The following ZFHX4 variants were observed in gnomAD, a reference collection of about 807,000 sequenced individuals.
The protein encoded by ZFHX4 is zinc finger homeobox protein 4.
Under a neutral mutation model 267.6 loss-of-function variants are expected in ZFHX4, and 56 were observed. That is an observed-to-expected ratio of 0.21 (90% CI 0.17 to 0.26). ZFHX4 has a LOEUF of 0.26. ZFHX4 is among the 10% of genes least tolerant of loss of function. The probability of loss-of-function intolerance (pLI) is 1.00; values close to 1 mark genes in which losing one functional copy is unlikely to be tolerated. For missense variants in ZFHX4, 4,332 were observed against 4,420.0 expected, an observed-to-expected ratio of 0.98 and a Z score of 0.56; for synonymous variants, 1,778 against 1,665.6, an observed-to-expected ratio of 1.07 and a Z score of -1.64.
intron 5 of ZFHX4, among the ~76,000 whole-genome samples, chr8:76,835,243 A>ATATATATATATATATG (rs1554572187): frequency 1.4e-4 from 14 of 102,718 alleles, no homozygotes; most frequent in African/African-American, 2.6e-4. Flanking sequence ...ATATATATGT[A>ATATATATATATATATG]TATATATATA....
intron 3 of ZFHX4, among the ~76,000 whole-genome samples, chr8:76,773,291 A>G (rs1035798393): frequency 1.3e-5 from 2 of 152,298 alleles, no homozygotes; most frequent in African/African-American, 2.4e-5. Context: ...TATTCATAAT[A>G]CATTCAGATA....
chr8:76,807,549 A>G (rs137961510), intron 4 of ZFHX4, among the ~76,000 whole-genome samples: 54 of 152,214 alleles, frequency 3.5e-4, no homozygotes, highest in African/African-American at 1.2e-3. Context: ...GGACAAGACA[A>G]TTGGGCTATA....
chr8:76,698,199 C>T (rs1317657940), intron 1 of ZFHX4, among the ~76,000 whole-genome samples: 1 of 152,076 alleles, frequency 6.6e-6, no homozygotes, highest in Admixed American at 6.6e-5. Context: ...TAGAAATCAA[C>T]TAGATTGGTT....
chr8:76,850,711 C>T (rs1271940560), intron 9 of ZFHX4, among the ~76,000 whole-genome samples, 175 bp from the exon 10 acceptor site: 1 of 152,128 alleles, frequency 6.6e-6, no homozygotes, highest in African/African-American at 2.4e-5. Context: ...TCTTGTTTGC[C>T]TTTATATCCC....
intron 3 of ZFHX4, among the ~76,000 whole-genome samples, chr8:76,718,598 G>C (rs1045845668): frequency 1.3e-5 from 2 of 151,902 alleles, no homozygotes; most frequent in Non-Finnish European, 2.9e-5. Context: ...TTTTTTCAGA[G>C]AAAAATAGTC....
chr8:76,737,418 T>G (rs908927102), intron 3 of ZFHX4, among the ~76,000 whole-genome samples: 2 of 152,214 alleles, frequency 1.3e-5, no homozygotes, highest in Admixed American at 6.5e-5. Flanking sequence ...ATTACCTGTA[T>G]AGACTAAGAC....
At chr8:76,777,878 G>GT (rs1563516399) in intron 3 of ZFHX4, among the ~76,000 whole-genome samples, 3 of 139,168 alleles carry the variant, frequency 2.2e-5, no homozygotes, top group Non-Finnish European at 3.1e-5. Context: ...GTTTGTTTTT[G>GT]TTTTTTGTTT....
intron 3 of ZFHX4, among the ~76,000 whole-genome samples, chr8:76,764,845 G>C (rs1257864906): frequency 6.6e-6 from 1 of 152,138 alleles, no homozygotes; most frequent in Non-Finnish European, 1.5e-5. Context: ...TGTAGGTTAA[G>C]CAGTGCCTCC....
intron 4 of ZFHX4, among the ~76,000 whole-genome samples, chr8:76,807,126 C>T (rs1811265422): frequency 6.6e-6 from 1 of 151,902 alleles, no homozygotes; most frequent in Admixed American, 6.6e-5. Flanking sequence ...TCTGTTACAC[C>T]AATATTATGT....
chr8:76,839,316 A>G (rs1812175764), intron 5 of ZFHX4, among the ~76,000 whole-genome samples: 1 of 152,172 alleles, frequency 6.6e-6, no homozygotes, highest in South Asian at 2.1e-4. Context: ...TTATAAGATC[A>G]TTTTAGACAT....
intron 5 of ZFHX4, among the ~76,000 whole-genome samples, chr8:76,840,872 A>T: frequency 6.6e-6 from 1 of 152,154 alleles, no homozygotes; most frequent in South Asian, 2.1e-4. Flanking sequence ...CAGCTTGGCC[A>T]CCAGCCACTT....
intron 4 of ZFHX4, among the ~76,000 whole-genome samples, chr8:76,802,918 C>T (rs1008014440): frequency 9.2e-5 from 14 of 152,060 alleles, no homozygotes; most frequent in South Asian, 2.1e-4. Flanking sequence ...GCCCTTATTA[C>T]GTAAGAGAAA....
rs1350349272 is a variant in ZFHX4, at chr8:76,854,936, A to G, written c.8015A>G (p.Gln2672Arg). 6.2e-6 allele frequency: 10 copies of G among 1,613,986 alleles called. No homozygotes were observed. Among genetic ancestry groups the G allele is most frequent in the Non-Finnish European group, 8.5e-6 (10 of 1,179,864 alleles). Reference sequence around the variant, plus strand: ...CAGTTCCGGGCGGTGGGTCCAGCACAGTCTCATAAACGGTGTCCGTTTTGC... The same window carrying G: ...CAGTTCCGGGCGGTGGGTCCAGCACGGTCTCATAAACGGTGTCCGTTTTGC... Reference protein sequence around the residue: ...KGQFRAVGPAQSHKRCPFCRA... With the variant: ...KGQFRAVGPARSHKRCPFCRA... Residue 2672 changes from glutamine (Q) to arginine (R), a missense_variant, in exon 10 of 11, where the codon CAG (glutamine) becomes CGG (arginine). Physicochemically the swap from Gln to Arg is conservative, Grantham distance 43 (BLOSUM62 1). Around this residue, in one of 7 missense-constraint regions of ZFHX4, gnomAD observed 1,648 missense variants for 1,625.0 expected, o/e 1.01. Transcript: ENST00000651372.
At chr8:76,836,468 G>A (rs1435145672) in intron 5 of ZFHX4, among the ~76,000 whole-genome samples, 2 of 152,062 alleles carry the variant, frequency 1.3e-5, no homozygotes, top group Non-Finnish European at 2.9e-5. Context: ...AGTTCTCTGA[G>A]GAAATGACAA....
chr8:76,705,669 G>A lies in ZFHX4; in HGVS notation c.1581G>A (p.Ala527=). The change falls in exon 2 of 11, where the codon GCG becomes GCA. Residue 527 remains alanine, a synonymous_variant. Coordinates refer to ENST00000651372, the MANE Select transcript of ZFHX4 (RefSeq NM_024721.5). ...FIEKGTSSSS[A]TVSDDTEKKK... is the part of the protein sequence containing the mutation. ...AAAAGGGTACCTCGTCCTCCTCGGCGACTGTTTCTGATGACACAGAAAAGA... is the reference window on the plus strand; with the variant it reads ...AAAAGGGTACCTCGTCCTCCTCGGCAACTGTTTCTGATGACACAGAAAAGA... 6.2e-7 allele frequency: 1 copy of A among 1,613,888 alleles called. No individual in the cohort carries two copies. The highest frequency in any genetic ancestry group is 1.3e-5 in the African/African-American group (1 of 75,026).
In ZFHX4 at chr8:76,852,417, A is replaced by G. The variant is rs764443190; in HGVS notation, c.5496A>G (p.Lys1832=). Residue 1832 remains lysine, a synonymous_variant, in exon 10 of 11, where the codon AAA becomes AAG. Transcript: ENST00000651372. ...AGCAGCAGCAACAGCAGGCAAGCAA[A>G]TTATTGAAACAAGAGCAAAGTAACA... The part of the protein sequence containing the change: ...PQQQQQQQAS[K]LLKQEQSNIV... 6.4e-6 allele frequency: 10 copies of G among 1,556,948 alleles called. No homozygotes were observed. Among genetic ancestry groups the G allele is most frequent in the Non-Finnish European group, 7.8e-6 (9 of 1,149,860 alleles).
chr8:76,824,792 C>T (rs960583468), intron 4 of ZFHX4, among the ~76,000 whole-genome samples: 33 of 151,982 alleles, frequency 2.2e-4, no homozygotes, highest in African/African-American at 5.8e-4. Context: ...AGGCTGCTCT[C>T]GAACTCCGGC....
intron 4 of ZFHX4, among the ~76,000 whole-genome samples, chr8:76,783,223 A>C (rs917255478): frequency 6.6e-6 from 1 of 152,026 alleles, no homozygotes; most frequent in Non-Finnish European, 1.5e-5. Context: ...AGAGTGCTGG[A>C]AAAGGGAGAA....
At chr8:76,799,505 G>T (rs1221523393) in intron 4 of ZFHX4, among the ~76,000 whole-genome samples, 1 of 152,094 alleles carries the variant, frequency 6.6e-6, no homozygotes, top group Non-Finnish European at 1.5e-5. Flanking sequence ...CAGACCTATT[G>T]ATGGAGATCA....
Sources: allele counts gnomAD v4.1 joint callset (sites outside exome capture counted in the v4.1 genomes callset), GRCh38; gene constraint gnomAD v4.1.1; regional missense constraint gnomAD v4.1.1; transcripts MANE v1.5; gene names NCBI Gene and HGNC (gene_info 2026-07-23, HGNC 2026-07-21).